Variants in XKR9 observed in about 807,000 individuals in gnomAD.
XKR9 encodes the protein XK related 9.
In XKR9, 32 loss-of-function variants were observed where a neutral mutation model predicts 32.0. That is an observed-to-expected ratio of 1.00 (90% CI 0.76 to 1.34). XKR9 has a LOEUF of 1.34. XKR9 is among the 40% of genes most tolerant of loss of function. XKR9 has a pLI of 0.00. For synonymous variants in XKR9, 168 were observed against 143.4 expected (o/e 1.17, Z -1.22); for missense variants, 546 against 429.7 (o/e 1.27, Z -2.39).
chr8:70,693,768 G>T (rs1195604065), intron 3 of XKR9, among the ~76,000 whole-genome samples: 1 of 152,150 alleles, frequency 6.6e-6, no homozygotes, highest in African/African-American at 2.4e-5. Flanking sequence ...GGGGACTTGT[G>T]GGAAATTGGT....
chr8:70,875,739 T>C, the XKR9 span, among the ~76,000 whole-genome samples: 1 of 152,238 alleles, frequency 6.6e-6, no homozygotes, highest in Non-Finnish European at 1.5e-5. Context: ...AGTTTCATTG[T>C]GTTGCTGACT....
At chr8:70,878,964 C>T in the XKR9 span, among the ~76,000 whole-genome samples, 26 of 152,138 alleles carry the variant, frequency 1.7e-4, no homozygotes, top group Non-Finnish European at 7.4e-5. Context: ...TCTCTCAGAC[C>T]ACAGTACAAT....
At chr8:71,049,461 C>T in the XKR9 span, among the ~76,000 whole-genome samples, 6 of 152,300 alleles carry the variant, frequency 3.9e-5, no homozygotes, top group South Asian at 1.0e-3. Flanking sequence ...TTTTGCAGCA[C>T]CTGCCTTTGA....
At chr8:70,972,094 T>C in the XKR9 span, among the ~76,000 whole-genome samples, 160 of 152,282 alleles carry the variant, frequency 1.1e-3, no homozygotes, top group Non-Finnish European at 1.9e-3. Flanking sequence ...GCCGTGAGCA[T>C]GGATGTGTTT....
At chr8:70,716,761 C>T (rs1346343000) in intron 4 of XKR9, among the ~76,000 whole-genome samples, 1 of 152,152 alleles carries the variant, frequency 6.6e-6, no homozygotes. Context: ...CACAATCATG[C>T]CCTTTCCAGC....
At chr8:70,942,683 T>C in the XKR9 span, among the ~76,000 whole-genome samples, 6 of 152,302 alleles carry the variant, frequency 3.9e-5, no homozygotes, top group East Asian at 1.2e-3. Context: ...AATTAGTCTT[T>C]CTAAAATTCA....
chr8:70,685,543 A>G (rs1260377232), intron 3 of XKR9, among the ~76,000 whole-genome samples: 1 of 150,656 alleles, frequency 6.6e-6, no homozygotes, highest in African/African-American at 2.5e-5. Flanking sequence ...ACCATGGAAT[A>G]CTATGCAGCC....
At chr8:70,778,873 A>T (rs1447015337) in intron 2 of XKR9, among the ~76,000 whole-genome samples, 4 of 152,190 alleles carry the variant, frequency 2.6e-5, no homozygotes, top group Non-Finnish European at 5.9e-5. Flanking sequence ...TTTTCTAAAT[A>T]TACAGTTATG....
chr8:70,918,565 CAGT>C, the XKR9 span, among the ~76,000 whole-genome samples: 3 of 151,842 alleles, frequency 2.0e-5, no homozygotes, highest in Admixed American at 1.3e-4. Flanking sequence ...GTAAAGGTAA[CAGT>C]ATTAGTCTCA....
At chr8:70,904,211 T>C in the XKR9 span, among the ~76,000 whole-genome samples, 7 of 152,090 alleles carry the variant, frequency 4.6e-5, no homozygotes, top group Admixed American at 3.3e-4. Context: ...CTAATGACAG[T>C]GGGGTGTTAA....
At chr8:70,942,657 C>CTGACTTT in the XKR9 span, among the ~76,000 whole-genome samples, 1 of 152,104 alleles carries the variant, frequency 6.6e-6, no homozygotes, top group South Asian at 2.1e-4. Context: ...CTTTATTGAC[C>CTGACTTT]ATGTAACCTG....
At chr8:70,840,394 T>C in the XKR9 span, among the ~76,000 whole-genome samples, 1 of 152,192 alleles carries the variant, frequency 6.6e-6, no homozygotes, top group African/African-American at 2.4e-5. Flanking sequence ...CTCATTGATA[T>C]GTATGTATCA....
the XKR9 span, among the ~76,000 whole-genome samples, chr8:70,845,230 G>A: frequency 6.6e-6 from 1 of 152,166 alleles, no homozygotes; most frequent in Non-Finnish European, 1.5e-5. Context: ...CATACACCCA[G>A]AATCAAAGCT....
At chr8:70,919,777 G>A in the XKR9 span, among the ~76,000 whole-genome samples, 12,730 of 152,190 alleles carry the variant, frequency 0.084, 606 homozygotes, top group African/African-American at 0.097. Context: ...TGTGGCCACA[G>A]GATGCATAGC....
chr8:70,721,101 G>A (rs974353193), intron 4 of XKR9, among the ~76,000 whole-genome samples: 3 of 152,186 alleles, frequency 2.0e-5, no homozygotes, highest in Non-Finnish European at 2.9e-5. Context: ...GGTGTTTATA[G>A]TATTCTCTGA....
At chr8:70,988,595 C>T in the XKR9 span, among the ~76,000 whole-genome samples, 2 of 152,092 alleles carry the variant, frequency 1.3e-5, no homozygotes, top group Non-Finnish European at 2.9e-5. Context: ...TTTATTTTTC[C>T]TCCATGTGAG....
chr8:70,898,131 GAT>G, the XKR9 span, among the ~76,000 whole-genome samples: 4 of 152,072 alleles, frequency 2.6e-5, no homozygotes, highest in Admixed American at 1.3e-4. Context: ...TTTACATATG[GAT>G]ATCCAGTTTT....
the XKR9 span, among the ~76,000 whole-genome samples, chr8:70,953,534 A>C: frequency 2.7e-5 from 4 of 148,964 alleles, no homozygotes; most frequent in Admixed American, 2.7e-4. Flanking sequence ...CTGGTCTTGA[A>C]CTCCTGGGTT....
chr8:70,878,001 A>G, the XKR9 span, among the ~76,000 whole-genome samples: 1 of 152,222 alleles, frequency 6.6e-6, no homozygotes, highest in African/African-American at 2.4e-5. Context: ...GTGGGGGCCA[A>G]TATTCAACAT....
Sources: allele counts gnomAD v4.1 joint callset (sites outside exome capture counted in the v4.1 genomes callset), GRCh38; gene constraint gnomAD v4.1.1; transcripts MANE v1.5; gene names NCBI Gene and HGNC (gene_info 2026-07-23, HGNC 2026-07-21).